Variants in ZNHIT6 observed in about 807,000 individuals in gnomAD.
ZNHIT6 encodes the protein zinc finger HIT-type containing 6, also known as box C/D snoRNA protein 1.
A neutral mutation model predicts 57.2 loss-of-function variants in ZNHIT6; 45 were observed. The observed-to-expected ratio is 0.79, with a 90% confidence interval of 0.62 to 1.01. The LOEUF is 1.01. Among genes scored for constraint, ZNHIT6 ranks in the 50% least tolerant of loss-of-function variants. The probability of loss-of-function intolerance (pLI) is 0.00; values close to 1 mark genes in which losing one functional copy is unlikely to be tolerated. For synonymous variants in ZNHIT6, 188 were observed against 190.0 expected, an observed-to-expected ratio of 0.99 and a Z score of 0.09; for missense variants, 528 against 567.3, an observed-to-expected ratio of 0.93 and a Z score of 0.70.
chr1:85,686,097 G>T (rs1221571048), intron 5 of ZNHIT6, among the ~76,000 whole-genome samples: 1 of 151,902 alleles, frequency 6.6e-6, no homozygotes, highest in Non-Finnish European at 1.5e-5. Context: ...TAGTAGTTGG[G>T]ACTACAGGTG....
intron 6 of ZNHIT6, among the ~76,000 whole-genome samples, chr1:85,679,076 A>G (rs1661788710): frequency 6.6e-6 from 1 of 152,172 alleles, no homozygotes. Context: ...CTCAAACATG[A>G]AAAGACGAGG....
Position 85,680,896 on chromosome 1 carries a change from T to C in ZNHIT6, c.1028A>G (p.Gln343Arg). 1.2e-6 allele frequency: 2 copies of C among 1,611,904 alleles called. No individual in the cohort carries two copies. The highest frequency in any genetic ancestry group is 8.5e-7 in the Non-Finnish European group (1 of 1,178,902). The change falls in exon 6 of 10, where the codon CAG becomes CGG. Residue 343 changes from glutamine to arginine, a missense_variant. Transcript: ENST00000370574. ...NSTFFDKKKQ[Q>R]FCWHVKLQFP... ...CTGGAGCTTCACATGCCAACAAAAC[T>C]GTTGTTTTCTAAGAGAGAAAATAAT...
At chr1:85,701,174 T>C (rs1221862129) in intron 5 of ZNHIT6, among the ~76,000 whole-genome samples, 1 of 152,248 alleles carries the variant, frequency 6.6e-6, no homozygotes, top group Non-Finnish European at 1.5e-5. Context: ...ATAACAGCTT[T>C]GAAAAGATAG....
At chr1:85,694,879 C>T (rs1002522416) in intron 5 of ZNHIT6, among the ~76,000 whole-genome samples, 1 of 152,060 alleles carries the variant, frequency 6.6e-6, no homozygotes, top group African/African-American at 2.4e-5. Flanking sequence ...CCATAGGGGG[C>T]AGTAAAGACT....
In ZNHIT6 at chr1:85,687,678, A is replaced by G. The variant is rs541073964; in HGVS notation, c.1020-6774T>C. Reference sequence around the variant, plus strand: ...GTTATTAAGAGAAGTATTTCCAACTACTTTTGAGAATCACATTGACATATC... The same window carrying G: ...GTTATTAAGAGAAGTATTTCCAACTGCTTTTGAGAATCACATTGACATATC... On this transcript the variant is annotated intron_variant, in intron 5 of 9. Coordinates refer to ENST00000370574, the MANE Select transcript of ZNHIT6 (RefSeq NM_017953.4). 3.9e-5 allele frequency among the ~76,000 whole-genome samples: 6 copies of G among 152,298 alleles called. No individual in the cohort carries two copies. In the East Asian group the frequency reaches 1.2e-3, roughly 29 times the overall value.
At chr1:85,661,261 G>A (rs367897426) in intron 8 of ZNHIT6, among the ~76,000 whole-genome samples, 3 of 152,088 alleles carry the variant, frequency 2.0e-5, no homozygotes, top group East Asian at 3.8e-4. Context: ...TTAAAGTTCC[G>A]GCTCCATCAT....
intron 9 of ZNHIT6, among the ~76,000 whole-genome samples, chr1:85,654,378 T>G (rs1661001427): frequency 6.6e-6 from 1 of 152,240 alleles, no homozygotes; most frequent in Admixed American, 6.5e-5. Context: ...TGATCCATAT[T>G]CATGCCACTG....
At chr1:85,692,247 G>C (rs1174979385) in intron 5 of ZNHIT6, among the ~76,000 whole-genome samples, 4 of 152,088 alleles carry the variant, frequency 2.6e-5, no homozygotes, top group African/African-American at 9.7e-5. Flanking sequence ...ACTGGGAAAA[G>C]GCTTCCTTAA....
In ZNHIT6 at chr1:85,706,089, T is replaced by C. The variant is rs1458163948; in HGVS notation, c.904A>G (p.Ser302Gly). The change falls in exon 4 of 10, where the codon AGC becomes GGC. Residue 302 changes from serine (S) to glycine (G), a missense_variant. Transcript: ENST00000370574. The part of the protein sequence containing the change: ...SRDAFLKRPI[S>G]NKYMYFMKNR... ...GGAAAAAATCTTACATATTTATTGC[T>C]TATTGGTCTCTTCAAAAAAGCATCT... 17 of 1,612,954 alleles carry C rather than the reference T, an allele frequency of 1.1e-5. No homozygotes were observed. Among genetic ancestry groups the C allele is most frequent in the Non-Finnish European group, 1.4e-5 (17 of 1,179,430 alleles).
chr1:85,684,974 T>C (rs903737699), intron 5 of ZNHIT6, among the ~76,000 whole-genome samples: 1 of 152,088 alleles, frequency 6.6e-6, no homozygotes, highest in Non-Finnish European at 1.5e-5. Flanking sequence ...ACCAAAGAAA[T>C]GTATATATAA....
At chr1:85,699,282 TCAAA>T (rs1255077338) in intron 5 of ZNHIT6, among the ~76,000 whole-genome samples, 14 of 152,006 alleles carry the variant, frequency 9.2e-5, no homozygotes, top group Admixed American at 8.5e-4. Context: ...CACAAATATC[TCAAA>T]CAAAGTAACT....
intron 8 of ZNHIT6, among the ~76,000 whole-genome samples, chr1:85,672,003 G>A (rs1661568031): frequency 6.6e-6 from 1 of 152,014 alleles, no homozygotes; most frequent in Non-Finnish European, 1.5e-5. Flanking sequence ...GTAAAGTAAG[G>A]TATACTACAC....
rs1451454550 is a variant in ZNHIT6, at chr1:85,651,730, T to C, written c.*2328A>G. 1 of 152,184 alleles carries C rather than the reference T, an allele frequency of 6.6e-6. No individual in the cohort carries two copies. The highest frequency in any genetic ancestry group is 1.5e-5 in the Non-Finnish European group (1 of 68,034). 9.4% of individuals were successfully genotyped at this position (152,184 alleles called of 1,614,324 possible). On this transcript the variant is annotated 3_prime_UTR_variant, in exon 10 of 10. Coordinates refer to ENST00000370574, the MANE Select transcript of ZNHIT6 (RefSeq NM_017953.4). ...ATGAACAAAATGCAGGATGCTGAAC[T>C]TAACATGGGTCAAGGAGTTTGTTTA...
At chr1:85,667,043 C>CTG (rs1171206090) in intron 8 of ZNHIT6, among the ~76,000 whole-genome samples, 3 of 152,120 alleles carry the variant, frequency 2.0e-5, no homozygotes, top group Non-Finnish European at 4.4e-5. Context: ...TAACAAAGAA[C>CTG]TGTGGTTGGG....
intron 5 of ZNHIT6, among the ~76,000 whole-genome samples, chr1:85,690,796 C>T (rs1408734554): frequency 1.3e-5 from 2 of 152,096 alleles, no homozygotes; most frequent in African/African-American, 2.4e-5. Context: ...GAGGCTGAGG[C>T]GAGCGGATCA....
chr1:85,651,890 AAC>A lies in ZNHIT6; in HGVS notation c.*2166_*2167del, dbSNP rs1421430344. ...CTCCAAGCCATTGGTAATTCACTAA[AAC>A]ACACGTGTATTGTAAATCTTACGGG... On this transcript the variant is annotated 3_prime_UTR_variant, in exon 10 of 10. Coordinates refer to ENST00000370574, the MANE Select transcript of ZNHIT6 (RefSeq NM_017953.4). The A allele has an allele frequency of 6.6e-6, 1 of 152,214 alleles. No homozygotes were observed. The highest frequency in any genetic ancestry group is 2.4e-5 in the African/African-American group (1 of 41,446). The allele number at this position is 152,214 out of a possible 1,614,324, so 9.4% of individuals were successfully genotyped here. A position where few individuals can be genotyped will look rare whatever the true frequency, so the allele number is the denominator to read the frequency against.
chr1:85,678,927 TATC>T (rs1661784357), intron 6 of ZNHIT6, 146 bp from the exon 7 acceptor site: 2 of 492,940 alleles, frequency 4.1e-6, no homozygotes, highest in East Asian at 7.4e-5. Context: ...CAAAATAAAA[TATC>T]ATTTTAAGCA....
intron 5 of ZNHIT6, among the ~76,000 whole-genome samples, 182 bp from the exon 6 acceptor site, chr1:85,681,086 G>A (rs1661861355): frequency 6.6e-6 from 1 of 152,230 alleles, no homozygotes; most frequent in South Asian, 2.1e-4. Context: ...AAGGGAAGCA[G>A]TTCTAAATTC....
intron 5 of ZNHIT6, among the ~76,000 whole-genome samples, chr1:85,693,004 A>C (rs984117305): frequency 1.3e-5 from 2 of 152,080 alleles, no homozygotes; most frequent in Non-Finnish European, 1.5e-5. Context: ...TCATACTGTA[A>C]GTAAAAGACA....
Sources: allele counts gnomAD v4.1 joint callset (sites outside exome capture counted in the v4.1 genomes callset), GRCh38; gene constraint gnomAD v4.1.1; transcripts MANE v1.5; gene names NCBI Gene and HGNC (gene_info 2026-07-23, HGNC 2026-07-21).